Variants in POM121L2 observed in about 807,000 individuals in gnomAD.
POM121L2 encodes POM121 transmembrane nucleoporin like 2.
For missense variants in POM121L2, 1,167 were observed against 1,260.3 expected, an observed-to-expected ratio of 0.93 and a Z score of 1.12; for synonymous variants, 459 against 483.8, an observed-to-expected ratio of 0.95 and a Z score of 0.67.
At position 27,311,863 on chromosome 6, in the gene POM121L2, C is replaced by A. The variant is rs1243786255; in HGVS notation, c.308G>T (p.Arg103Leu). The A allele has an allele frequency of 6.4e-7, 1 of 1,551,720 alleles. No individual in the cohort carries two copies. The highest frequency in any genetic ancestry group is 1.4e-5 in the African/African-American group (1 of 73,166). ...PSDWWESYLK[R>L]TIWSLRHPRP... ...GGGATGTCGAAGAGACCAAATAGTC[C>A]GCTTTAAGTAACTTTCCCACCAGTC... The change falls in exon 1 of 1, where the codon CGG (arginine) becomes CTG (leucine). Residue 103 changes from arginine to leucine, a missense_variant. Arg to Leu is a moderately radical substitution (Grantham distance 102). Coordinates refer to ENST00000444565, the MANE Select transcript of POM121L2 (RefSeq NM_033482.4).
Position 27,311,462 on chromosome 6 carries a change from T to C in POM121L2, c.709A>G (p.Met237Val). ...SLTKRPNCSSMSSLASIYRGG... is the reference protein window; with the variant it reads ...SLTKRPNCSSVSSLASIYRGG... ...CTGTATATGCTGGCCAAGGAGCTCA[T>C]GGAGGAGCAATTGGGCCTCTTAGTC... The change falls in exon 1 of 1, where the codon ATG (methionine) becomes GTG (valine). Residue 237 changes from methionine (M) to valine (V), a missense_variant. Physicochemically the swap from Met to Val is conservative, Grantham distance 21. Transcript: ENST00000444565. The C allele has an allele frequency of 6.4e-7, 1 of 1,551,850 alleles. No individual in the cohort carries two copies. The highest frequency in any genetic ancestry group is 8.7e-7 in the Non-Finnish European group (1 of 1,147,042).
In POM121L2 at chr6:27,310,985, C is replaced by T. The variant is rs1760737584; in HGVS notation, c.1186G>A (p.Asp396Asn). 1 of 1,552,236 alleles carries T rather than the reference C, an allele frequency of 6.4e-7. No individual in the cohort carries two copies. Among genetic ancestry groups the T allele is most frequent in the Middle Eastern group, 1.7e-4 (1 of 5,992 alleles). The change falls in exon 1 of 1, where the codon GAT becomes AAT. Residue 396 changes from aspartate (D) to asparagine (N), a missense_variant. Physicochemically the swap from Asp to Asn is conservative, Grantham distance 23. Coordinates refer to ENST00000444565, the MANE Select transcript of POM121L2 (RefSeq NM_033482.4). ...LSLALPSSET[D>N]LTQGANPQLE... is the part of the protein sequence containing the mutation. ...TGAGGATTTGCTCCCTGGGTTAGAT[C>T]TGTTTCTGAAGAAGGCAGAGCAAGA...
In POM121L2 at chr6:27,309,251, G is replaced by A; in HGVS notation, c.2920C>T (p.Pro974Ser). ...KTMAPIAQNT[P>S]VPGQAKAGSS... ...CCTGCCTTAGCTTGTCCAGGGACTGGGGTGTTTTGAGCAATGGGGGCCATA... is the reference window on the plus strand; with the variant it reads ...CCTGCCTTAGCTTGTCCAGGGACTGAGGTGTTTTGAGCAATGGGGGCCATA... Residue 974 changes from proline (P) to serine (S), a missense_variant, in exon 1 of 1, where the codon CCA (proline) becomes TCA (serine). By Grantham distance (74) the Pro-to-Ser change is moderately conservative. Coordinates refer to ENST00000444565, the MANE Select transcript of POM121L2 (RefSeq NM_033482.4). The A allele has an allele frequency of 1.3e-6, 2 of 1,551,832 alleles. No individual in the cohort carries two copies. The highest frequency in any genetic ancestry group is 8.7e-7 in the Non-Finnish European group (1 of 1,147,012).
chr6:27,309,458 T>A lies in POM121L2; in HGVS notation c.2713A>T (p.Ile905Phe), dbSNP rs772265135. 1 of 1,551,666 alleles carries A rather than the reference T, an allele frequency of 6.4e-7. No homozygotes were observed. Among genetic ancestry groups the A allele is most frequent in the Non-Finnish European group, 8.7e-7 (1 of 1,146,974 alleles). ...VTPMDCDESG[I>F]IMTGPDMSPT... Reference sequence around the variant, plus strand: ...CTCATGTCTGGACCAGTCATTATGATCCCAGACTCATCACAGTCCATAGGG... The same window carrying A: ...CTCATGTCTGGACCAGTCATTATGAACCCAGACTCATCACAGTCCATAGGG... Residue 905 changes from isoleucine (I) to phenylalanine (F), a missense_variant, in exon 1 of 1, where the codon ATC becomes TTC. By Grantham distance (21) the Ile-to-Phe change is conservative (BLOSUM62 0). Coordinates refer to ENST00000444565, the MANE Select transcript of POM121L2 (RefSeq NM_033482.4).
rs761481095 is a variant in POM121L2 at position 27,311,473 on chromosome 6, T to C, written c.698A>G (p.Asn233Ser). 1.4e-5 allele frequency: 21 copies of C among 1,551,712 alleles called. No individual in the cohort carries two copies. The highest frequency in any genetic ancestry group is 1.7e-4 in the Middle Eastern group (1 of 6,014). Reference sequence around the variant, plus strand: ...GGCCAAGGAGCTCATGGAGGAGCAATTGGGCCTCTTAGTCAAGCTGTGATC... The same window carrying C: ...GGCCAAGGAGCTCATGGAGGAGCAACTGGGCCTCTTAGTCAAGCTGTGATC... The part of the protein sequence containing the change: ...GSDHSLTKRP[N>S]CSSMSSLASI... The change falls in exon 1 of 1, where the codon AAT becomes AGT. Residue 233 changes from asparagine to serine, a missense_variant. Asn to Ser is a conservative substitution (Grantham distance 46, BLOSUM62 1). Transcript: ENST00000444565.
Position 27,311,153 on chromosome 6 carries a change from G to A in POM121L2, c.1018C>T (p.Leu340Phe). Residue 340 changes from leucine to phenylalanine, a missense_variant, in exon 1 of 1, where the codon CTT becomes TTT. By Grantham distance (22) the Leu-to-Phe change is conservative (BLOSUM62 0). Transcript: ENST00000444565. ...NLVSEIPPPQ[L>F]GYAVSDENLT... is the part of the protein sequence containing the mutation. The stretch of plus-strand genomic sequence containing the variant: ...TTCTCATCAGAGACTGCATAACCAA[G>A]CTGGGGAGGTGGGATCTCTGACACC... 1 of 1,551,940 alleles carries A rather than the reference G, an allele frequency of 6.4e-7. No individual in the cohort carries two copies. Among genetic ancestry groups the A allele is most frequent in the South Asian group, 1.2e-5 (1 of 84,062 alleles).
In POM121L2 at chr6:27,310,838, C is replaced by T. The variant is rs1311083392; in HGVS notation, c.1333G>A (p.Gly445Arg). 2 of 1,551,670 alleles carry T rather than the reference C, an allele frequency of 1.3e-6. No individual in the cohort carries two copies. Among genetic ancestry groups the T allele is most frequent in the East Asian group, 4.9e-5 (2 of 40,916 alleles). ...LKTPSLPTPP[G>R]CSQSELLPGT... Reference sequence around the variant, plus strand: ...GGAAGGAGCTCTGACTGTGAGCACCCAGGTGGGGTCGGTAGGCTGGGTGTC... The same window carrying T: ...GGAAGGAGCTCTGACTGTGAGCACCTAGGTGGGGTCGGTAGGCTGGGTGTC... Residue 445 changes from glycine to arginine, a missense_variant, in exon 1 of 1, where the codon GGG becomes AGG. Coordinates refer to ENST00000444565, the MANE Select transcript of POM121L2 (RefSeq NM_033482.4).
Position 27,311,449 on chromosome 6 carries a change from G to T in POM121L2, c.722C>A (p.Ala241Asp). ...GAGGGTGCCACCTCTGTATATGCTG[G>T]CCAAGGAGCTCATGGAGGAGCAATT... ...RPNCSSMSSL[A>D]SIYRGGTLSS... Residue 241 changes from alanine (A) to aspartate (D), a missense_variant, in exon 1 of 1, where the codon GCC becomes GAC. Coordinates refer to ENST00000444565, the MANE Select transcript of POM121L2 (RefSeq NM_033482.4). 1 of 1,551,808 alleles carries T rather than the reference G, an allele frequency of 6.4e-7. No homozygotes were observed. Among genetic ancestry groups the T allele is most frequent in the Non-Finnish European group, 8.7e-7 (1 of 1,147,012 alleles).
Position 27,310,600 on chromosome 6 carries a change from G to C in POM121L2, c.1571C>G (p.Pro524Arg), listed in dbSNP as rs957528998. The C allele has an allele frequency of 6.4e-7, 1 of 1,551,952 alleles. No individual in the cohort carries two copies. The highest frequency in any genetic ancestry group is 8.7e-7 in the Non-Finnish European group (1 of 1,147,042). Reference protein sequence around the residue: ...SPTSHLSASAPPDATSAHLML... With the variant: ...SPTSHLSASARPDATSAHLML... ...GAGGTGAGCAGAAGTTGCATCAGGA[G>C]GTGCAGATGCAGAAAGATGGGATGT... Residue 524 changes from proline to arginine, a missense_variant, in exon 1 of 1, where the codon CCT (proline) becomes CGT (arginine). Transcript: ENST00000444565.
chr6:27,309,640 G>T lies in POM121L2; in HGVS notation c.2531C>A (p.Thr844Asn). 1.9e-6 allele frequency: 3 copies of T among 1,551,764 alleles called. No homozygotes were observed. In the South Asian group the frequency reaches 3.6e-5, roughly 18 times the overall value. ...TGGAATGCCGCCAATGCCTGACCAG[G>T]TGCTGGCAGGGGTTTGAGAGGTGGA... ...SASTSQTPAS[T>N]WSGIGGIPAG... is the part of the protein sequence containing the mutation. Residue 844 changes from threonine (T) to asparagine (N), a missense_variant, in exon 1 of 1, where the codon ACC becomes AAC. Coordinates refer to ENST00000444565, the MANE Select transcript of POM121L2 (RefSeq NM_033482.4).
Position 27,309,852 on chromosome 6 carries a change from C to A in POM121L2, c.2319G>T (p.Gln773His). Residue 773 changes from glutamine to histidine, a missense_variant, in exon 1 of 1, where the codon CAG becomes CAT. Coordinates refer to ENST00000444565, the MANE Select transcript of POM121L2 (RefSeq NM_033482.4). The stretch of plus-strand genomic sequence containing the variant: ...GTCCATTTGTGGCACCAAATGCAGG[C>A]TGGGGATTAGCTCCTTGGGATAGTG... ...PFPLSQGANPQPAFGATNGQK... is the reference protein window; with the variant it reads ...PFPLSQGANPHPAFGATNGQK... 1 of 1,551,718 alleles carries A rather than the reference C, an allele frequency of 6.4e-7. No individual in the cohort carries two copies. The highest frequency in any genetic ancestry group is 2.4e-5 in the East Asian group (1 of 40,904).
In POM121L2 at chr6:27,309,405, T is replaced by A. The variant is rs1760712860; in HGVS notation, c.2766A>T (p.Gly922=). The part of the protein sequence containing the change: ...MSPTSGAFSI[G]ALPSGTTNTM... The stretch of plus-strand genomic sequence containing the variant: ...TGTTAGTGGTCCCACTAGGCAATGC[T>A]CCAATGCTGAAAGCTCCAGAGGTGG... The change falls in exon 1 of 1, where the codon GGA becomes GGT. Residue 922 remains glycine (G), a synonymous_variant. Coordinates refer to ENST00000444565, the MANE Select transcript of POM121L2 (RefSeq NM_033482.4). The A allele has an allele frequency of 6.4e-7, 1 of 1,551,372 alleles. No homozygotes were observed.
At chr6:27,309,097 CCT>C (rs1322786724) in intron 1 of POM121L2, 4 of 1,551,822 alleles carry the variant, frequency 2.6e-6, no homozygotes, top group Non-Finnish European at 3.5e-6. Context: ...TCGGGAATGC[CCT>C]TTCTCCCGAT....
rs1290721943 is a variant in POM121L2, at chr6:27,312,122, G to T, written c.49C>A (p.Gln17Lys). The change falls in exon 1 of 1, where the codon CAG (glutamine) becomes AAG (lysine). Residue 17 changes from glutamine (Q) to lysine (K), a missense_variant. Coordinates refer to ENST00000444565, the MANE Select transcript of POM121L2 (RefSeq NM_033482.4). The surrounding 1 kb of genome is among the most constrained non-coding windows in gnomAD (Gnocchi z 6.7). ...KLELSPSSPA[Q>K]VRTDLPERPT... The stretch of plus-strand genomic sequence containing the variant: ...CTCTCGGGCAAGTCGGTGCGCACCT[G>T]GGCTGGGGACGAGGGCGAAAGTTCC... 1 of 1,461,104 alleles carries T rather than the reference G, an allele frequency of 6.8e-7. No homozygotes were observed. Among genetic ancestry groups the T allele is most frequent in the South Asian group, 1.5e-5 (1 of 68,772 alleles). 90.5% of individuals were successfully genotyped at this position (1,461,104 alleles called of 1,614,324 possible).
Position 27,310,786 on chromosome 6 carries a change from G to A in POM121L2, c.1385C>T (p.Thr462Ile), listed in dbSNP as rs368994307. 12 of 1,551,732 alleles carry A rather than the reference G, an allele frequency of 7.7e-6. No homozygotes were observed. The highest frequency in any genetic ancestry group is 1.4e-5 in the African/African-American group (1 of 73,030). Residue 462 changes from threonine (T) to isoleucine (I), a missense_variant, in exon 1 of 1, where the codon ACA becomes ATA. Transcript: ENST00000444565. ...GGGGGTCAGCAGGATGAAAGTAGCT[G>A]TGGGCTTTGAGTCTGGAGAGGTGCC... ...LPGTSPDSKP[T>I]ATFILLTPTS...
In POM121L2 at chr6:27,310,648, A is replaced by C. The variant is rs1174374463; in HGVS notation, c.1523T>G (p.Leu508Trp). Residue 508 changes from leucine to tryptophan, a missense_variant, in exon 1 of 1, where the codon TTG (leucine) becomes TGG (tryptophan). By Grantham distance (61) the Leu-to-Trp change is moderately conservative. Transcript: ENST00000444565. ...TGTTGGGCTACTCACCATTCCAAGC[A>C]AAGTACTTTGGATGGTGGGTGGTGC... is the stretch of plus-strand genomic sequence containing the variant. ...PPAPPTIQST[L>W]LGMVSSPTSH... 6.4e-7 allele frequency: 1 copy of C among 1,551,892 alleles called. No homozygotes were observed. Among genetic ancestry groups the C allele is most frequent in the South Asian group, 1.2e-5 (1 of 84,054 alleles).
In POM121L2 at chr6:27,308,996, AGACAC is replaced by A. The variant is rs1760705116; in HGVS notation, c.*62_*66del. On this transcript the variant is annotated 3_prime_UTR_variant, in exon 1 of 1. Transcript: ENST00000444565. ...AGTATGTTTACTTTAGAAAATTGGA[AGACAC>A]TGAGGTTTTTCAAAAACAATACTGA... 3.3e-6 allele frequency: 4 copies of A among 1,215,216 alleles called. No individual in the cohort carries two copies. The Middle Eastern group carries it at 7.4e-4, about 226-fold the overall frequency. The allele number at this position is 1,215,216 out of a possible 1,614,324, so 75.3% of individuals were successfully genotyped here.
In POM121L2 at chr6:27,310,821, C is replaced by T. The variant is rs1760734854; in HGVS notation, c.1350G>A (p.Glu450=). 3 of 1,551,538 alleles carry T rather than the reference C, an allele frequency of 1.9e-6. No homozygotes were observed. Among genetic ancestry groups the T allele is most frequent in the African/African-American group, 1.4e-5 (1 of 73,000 alleles). The stretch of plus-strand genomic sequence containing the variant: ...AGTCTGGAGAGGTGCCTGGAAGGAG[C>T]TCTGACTGTGAGCACCCAGGTGGGG... ...LPTPPGCSQS[E]LLPGTSPDSK... is the part of the protein sequence containing the mutation. The change falls in exon 1 of 1, where the codon GAG becomes GAA. Residue 450 remains glutamate, a synonymous_variant. Coordinates refer to ENST00000444565, the MANE Select transcript of POM121L2 (RefSeq NM_033482.4).
In POM121L2 at chr6:27,311,675, A is replaced by C. The variant is rs1376382040; in HGVS notation, c.496T>G (p.Cys166Gly). 2.6e-6 allele frequency: 4 copies of C among 1,551,526 alleles called. No homozygotes were observed. In the South Asian group the frequency reaches 4.8e-5, roughly 18 times the overall value. The change falls in exon 1 of 1, where the codon TGC becomes GGC. Residue 166 changes from cysteine to glycine, a missense_variant. By Grantham distance (159) the Cys-to-Gly change is radical. Coordinates refer to ENST00000444565, the MANE Select transcript of POM121L2 (RefSeq NM_033482.4). The stretch of plus-strand genomic sequence containing the variant: ...TCCAACCTCCCTTTCCCTTTTCTGC[A>C]CTCTCTGAGGGCCCTCAACACTGTC... ...KETVLRALRE[C>G]RKGKGRLEEP... is the part of the protein sequence containing the mutation.
Sources: allele counts gnomAD v4.1 joint callset, GRCh38; gene constraint gnomAD v4.1.1; non-coding constraint Gnocchi (gnomAD v3.1); transcripts MANE v1.5; gene names NCBI Gene and HGNC (gene_info 2026-07-23, HGNC 2026-07-21).